Variants in EPHA3 observed in about 807,000 individuals in gnomAD.
The protein encoded by EPHA3 is ephrin type-A receptor 3.
A neutral mutation model predicts 107.1 loss-of-function variants in EPHA3; 42 were observed. The ratio of observed to expected loss-of-function variants is 0.39; its 90% CI spans 0.31 to 0.51. The LOEUF (loss-of-function observed/expected upper bound fraction) is 0.51. Ranked by LOEUF, EPHA3 falls within the 20% of genes least tolerant of loss-of-function variation. The pLI, the probability that EPHA3 is intolerant of heterozygous loss-of-function variation, is 0.78. For synonymous variants in EPHA3, 461 were observed against 424.8 expected (o/e 1.09, Z -1.05); for missense variants, 1,183 against 1,211.2 (o/e 0.98, Z 0.35).
chr3:89,201,349 G>A (rs1235453895), intron 2 of EPHA3, among the ~76,000 whole-genome samples: 1 of 152,142 alleles, frequency 6.6e-6, no homozygotes, highest in Non-Finnish European at 1.5e-5. Flanking sequence ...AGAGTTAGGT[G>A]GGGACACAGA....
chr3:89,407,606 C>G (rs1576363229), intron 8 of EPHA3, among the ~76,000 whole-genome samples: 3 of 152,214 alleles, frequency 2.0e-5, no homozygotes, highest in Admixed American at 2.0e-4. Flanking sequence ...CACCCCTCCT[C>G]TTCTCTCTTC....
intron 3 of EPHA3, among the ~76,000 whole-genome samples, chr3:89,323,086 C>T (rs973225761): frequency 7.9e-5 from 12 of 152,026 alleles, no homozygotes; most frequent in Admixed American, 5.3e-4. Context: ...ATGTCCAATA[C>T]ATCTCCAAAA....
In EPHA3 at chr3:89,210,200, A is replaced by G; in HGVS notation, c.494A>G (p.Asn165Ser). 6.2e-7 allele frequency: 1 copy of G among 1,614,074 alleles called. No homozygotes were observed. Among genetic ancestry groups the G allele is most frequent in the Non-Finnish European group, 8.5e-7 (1 of 1,179,974 alleles). ...CTTGGGGACCGTATTCTGAAGCTCA[A>G]CACTGAGATTAGAGAAGTAGGTCCT... The part of the protein sequence containing the change: ...MDLGDRILKL[N>S]TEIREVGPVN... Residue 165 changes from asparagine to serine, a missense_variant, in exon 3 of 17, where the codon AAC becomes AGC. Physicochemically the swap from Asn to Ser is conservative, Grantham distance 46 (BLOSUM62 1). Transcript: ENST00000336596.
intron 2 of EPHA3, among the ~76,000 whole-genome samples, chr3:89,149,118 C>A (rs1038947564): frequency 4.6e-5 from 7 of 151,888 alleles, no homozygotes; most frequent in Non-Finnish European, 7.4e-5. Context: ...ATTGCCTAAA[C>A]AATCATAAAA....
At chr3:89,354,156 C>G (rs1231892228) in intron 5 of EPHA3, among the ~76,000 whole-genome samples, 1 of 151,194 alleles carries the variant, frequency 6.6e-6, no homozygotes, top group Non-Finnish European at 1.5e-5. Context: ...CATTTTTAGT[C>G]TCAAATCACA....
intron 3 of EPHA3, among the ~76,000 whole-genome samples, chr3:89,244,444 T>G (rs887652659): frequency 2.0e-5 from 3 of 152,072 alleles, no homozygotes; most frequent in Non-Finnish European, 4.4e-5. Flanking sequence ...CATATTTAAA[T>G]TTTTTCCAGT....
chr3:89,423,990 C>A (rs1709404397), intron 11 of EPHA3, among the ~76,000 whole-genome samples: 1 of 151,346 alleles, frequency 6.6e-6, no homozygotes, highest in Non-Finnish European at 1.5e-5. Context: ...TAGTAGCTGT[C>A]TGAATAACTG....
intron 5 of EPHA3, among the ~76,000 whole-genome samples, chr3:89,371,808 AT>A (rs1267938560): frequency 1.3e-5 from 2 of 151,580 alleles, no homozygotes; most frequent in Non-Finnish European, 3.0e-5. Context: ...TGGATAATTT[AT>A]TATATGGAAA....
At chr3:89,380,744 C>A (rs1034397884) in intron 5 of EPHA3, among the ~76,000 whole-genome samples, 2 of 150,098 alleles carry the variant, frequency 1.3e-5, no homozygotes, top group African/African-American at 4.9e-5. Flanking sequence ...TAAACTGTGA[C>A]TCTTTAAACA....
At chr3:89,456,466 C>T (rs1326217513) in intron 15 of EPHA3, among the ~76,000 whole-genome samples, 1 of 151,824 alleles carries the variant, frequency 6.6e-6, no homozygotes, top group Non-Finnish European at 1.5e-5. Flanking sequence ...GGCTAAGTAC[C>T]TTTTGAAACT....
intron 3 of EPHA3, among the ~76,000 whole-genome samples, chr3:89,314,971 C>T (rs1706859367): frequency 6.6e-6 from 1 of 151,780 alleles, no homozygotes; most frequent in African/African-American, 2.4e-5. Flanking sequence ...CCTTTTGCTC[C>T]TAGGCTACAA....
chr3:89,306,043 G>A (rs2048588), intron 3 of EPHA3, among the ~76,000 whole-genome samples: 22,447 of 151,846 alleles, frequency 0.15, 1,776 homozygotes, highest in Middle Eastern at 0.27. Context: ...CGTCATTGTC[G>A]TCATCATCAT....
intron 5 of EPHA3, among the ~76,000 whole-genome samples, chr3:89,389,594 G>T (rs1203927266): frequency 2.0e-5 from 3 of 152,184 alleles, no homozygotes; most frequent in Non-Finnish European, 4.4e-5. Context: ...GATCCTTTAT[G>T]GGTTGAATTT....
chr3:89,168,933 T>C (rs79348923), intron 2 of EPHA3, among the ~76,000 whole-genome samples: 2,073 of 152,228 alleles, frequency 0.014, 54 homozygotes, highest in African/African-American at 0.048. Flanking sequence ...GTTTTTCCAA[T>C]TCATTGTACA....
intron 3 of EPHA3, among the ~76,000 whole-genome samples, chr3:89,231,203 C>T (rs1450531105): frequency 6.6e-6 from 1 of 151,962 alleles, no homozygotes; most frequent in Admixed American, 6.6e-5. Flanking sequence ...ATTTACCTGC[C>T]ATTTCTCTTA....
chr3:89,287,748 T>C (rs1226481827), intron 3 of EPHA3, among the ~76,000 whole-genome samples: 1 of 152,066 alleles, frequency 6.6e-6, no homozygotes, highest in African/African-American at 2.4e-5. Flanking sequence ...TATCTACAGA[T>C]AGAGAAATTG....
intron 5 of EPHA3, among the ~76,000 whole-genome samples, chr3:89,361,149 A>G (rs564942790): frequency 2.4e-4 from 37 of 151,262 alleles, no homozygotes; most frequent in African/African-American, 8.7e-4. Flanking sequence ...AAAAGACTAC[A>G]CTAAAACAAT....
chr3:89,399,601 T>G (rs1708916989), intron 7 of EPHA3, 121 bp downstream of exon 7: 1 of 1,436,328 alleles, frequency 7.0e-7, no homozygotes, highest in Admixed American at 2.3e-5. Context: ...GTATATTGCT[T>G]GGGACATTGC....
intron 3 of EPHA3, among the ~76,000 whole-genome samples, chr3:89,311,974 A>G (rs1706775108): frequency 6.6e-6 from 1 of 152,028 alleles, no homozygotes; most frequent in African/African-American, 2.4e-5. Context: ...AAAAGGTGAG[A>G]AAAGAGGGGC....
Sources: gnomAD v4.1 joint callset for allele counts (sites outside exome capture counted in the v4.1 genomes callset) on GRCh38, gnomAD v4.1.1 for gene constraint, MANE v1.5 for transcripts, NCBI Gene and HGNC (gene_info 2026-07-23, HGNC 2026-07-21) for gene names.